Variants in PPCDC observed in about 807,000 individuals in gnomAD.
PPCDC encodes phosphopantothenoylcysteine decarboxylase.
Under a neutral mutation model 20.7 loss-of-function variants are expected in PPCDC, and 20 were observed. The observed-to-expected ratio is 0.97, with a 90% CI of 0.68 to 1.41. PPCDC has a LOEUF of 1.41. Ranked by LOEUF, PPCDC falls within the 40% of genes most tolerant of loss-of-function variation. The pLI, the probability that PPCDC is intolerant of heterozygous loss-of-function variation, is 0.00. For synonymous variants in PPCDC, 88 were observed against 100.3 expected, an observed-to-expected ratio of 0.88 and a Z score of 0.73; for missense variants, 246 against 263.8, an observed-to-expected ratio of 0.93 and a Z score of 0.47.
chr15:75,044,659 C>A (rs1183580312), intron 4 of PPCDC, 145 bp downstream of exon 4: 2 of 1,141,572 alleles, frequency 1.8e-6, no homozygotes, highest in Admixed American at 2.7e-5. Context: ...CCACATCGCC[C>A]CCAGTGCTCT....
intron 2 of PPCDC, 195 bp from the exon 3 acceptor site, chr15:75,043,246 A>G (rs2066176055): frequency 1.8e-6 from 1 of 542,460 alleles, no homozygotes; most frequent in Non-Finnish European, 3.3e-6. Context: ...GCCACACCTG[A>G]TAGGGCCTGA....
chr15:75,025,556 G>T (rs1276472582), intron 1 of PPCDC, among the ~76,000 whole-genome samples: 1 of 152,176 alleles, frequency 6.6e-6, no homozygotes, highest in African/African-American at 2.4e-5. Context: ...CTTTCTGGAG[G>T]ATAGAGAAGC....
At chr15:75,047,171 C>T (rs1047366495) in intron 4 of PPCDC, among the ~76,000 whole-genome samples, 2 of 152,228 alleles carry the variant, frequency 1.3e-5, no homozygotes, top group African/African-American at 4.8e-5. Context: ...GAAAGCCCAG[C>T]CCAGCCCTTG....
At chr15:75,036,868 G>A (rs1301361218) in intron 2 of PPCDC, among the ~76,000 whole-genome samples, 1 of 151,604 alleles carries the variant, frequency 6.6e-6, no homozygotes, top group Non-Finnish European at 1.5e-5. Flanking sequence ...AAGGAGTTTT[G>A]CCCTGTTGCC....
Position 75,028,559 on chromosome 15 carries a change from C to T in PPCDC, c.135+106C>T, listed in dbSNP as rs181590310. 6.3e-4 allele frequency: 918 copies of T among 1,467,482 alleles called. 3 individuals are homozygous for T. In the African/African-American group the frequency reaches 0.011, roughly 18 times the overall value. 90.9% of individuals were successfully genotyped at this position (1,467,482 alleles called of 1,614,324 possible). A position where few individuals can be genotyped will look rare whatever the true frequency, so the allele number is the denominator to read the frequency against. ...TACATGCAATTTTCTTTTTCTTTAT[C>T]ATGTTAATCATGCTTGTGGAGGTCC... On this transcript the variant is annotated intron_variant, in intron 2 of 5. Coordinates refer to ENST00000342932, the MANE Select transcript of PPCDC (RefSeq NM_021823.5).
In PPCDC at chr15:75,028,349, G is replaced by C. The variant is rs1445507836; in HGVS notation, c.31G>C (p.Ala11Pro). The C allele has an allele frequency of 1.2e-6, 2 of 1,614,184 alleles. No individual in the cohort carries two copies. The highest frequency in any genetic ancestry group is 4.5e-5 in the East Asian group (2 of 44,888). The change falls in exon 2 of 6, where the codon GCA becomes CCA. Residue 11 changes from alanine (A) to proline (P), a missense_variant. Physicochemically the swap from Ala to Pro is conservative, Grantham distance 27. Transcript: ENST00000342932. MEPKASCPAA[A>P]PLMERKFHVL... ...ACCAAAGGCCTCCTGTCCAGCTGCT[G>C]CACCCTTGATGGAGAGAAAATTCCA...
At chr15:75,043,392 G>T (rs2066178601) in intron 2 of PPCDC, 49 bp from the exon 3 acceptor site, 3 of 1,519,862 alleles carry the variant, frequency 2.0e-6, no homozygotes, top group African/African-American at 2.7e-5. Flanking sequence ...TGTGGCTCTG[G>T]TAACAGTTTC....
intron 1 of PPCDC, among the ~76,000 whole-genome samples, chr15:75,027,328 G>A (rs562357186): frequency 3.9e-5 from 6 of 152,220 alleles, no homozygotes; most frequent in Middle Eastern, 3.4e-3. Flanking sequence ...GGCCCAACCC[G>A]CCACGTGTAG....
intron 2 of PPCDC, among the ~76,000 whole-genome samples, chr15:75,033,331 C>T (rs2066046226): frequency 6.6e-6 from 1 of 152,150 alleles, no homozygotes; most frequent in Non-Finnish European, 1.5e-5. Flanking sequence ...TTTGCCGACC[C>T]CTGGTATGCA....
At chr15:75,042,013 C>T (rs1938853633) in intron 2 of PPCDC, among the ~76,000 whole-genome samples, 1 of 152,216 alleles carries the variant, frequency 6.6e-6, no homozygotes, top group African/African-American at 2.4e-5. Context: ...TCCAGCAGCG[C>T]CTAGCCTTCA....
intron 2 of PPCDC, among the ~76,000 whole-genome samples, chr15:75,036,181 C>T (rs112708112): frequency 2.0e-5 from 3 of 152,214 alleles, no homozygotes; most frequent in African/African-American, 4.8e-5. Flanking sequence ...TTGGCATTTG[C>T]TGGGAAAAGG....
At chr15:75,034,862 C>A (rs907393904) in intron 2 of PPCDC, among the ~76,000 whole-genome samples, 1 of 152,168 alleles carries the variant, frequency 6.6e-6, no homozygotes, top group Non-Finnish European at 1.5e-5. Context: ...GCTCTCCAGC[C>A]ACTCAGCTGC....
At chr15:75,028,202 G>A (rs925920471) in intron 1 of PPCDC, 45 bp from the exon 2 acceptor site, 2 of 1,354,200 alleles carry the variant, frequency 1.5e-6, no homozygotes, top group Admixed American at 2.6e-5. Flanking sequence ...CATACATTCT[G>A]GTCGACTGTA....
At chr15:75,049,023 C>A in intron 5 of PPCDC, 127 bp from the exon 6 acceptor site, 1 of 923,662 alleles carries the variant, frequency 1.1e-6, no homozygotes, top group Non-Finnish European at 1.7e-6. Context: ...GTGTCTGGCT[C>A]AGGCAAAGAC....
intron 2 of PPCDC, among the ~76,000 whole-genome samples, chr15:75,031,592 TACTC>T (rs1440581576): frequency 2.6e-5 from 4 of 151,980 alleles, no homozygotes; most frequent in African/African-American, 9.7e-5. Context: ...TAATCCCAGT[TACTC>T]AGGAGGCGGA....
chr15:75,027,677 CAG>C, intron 1 of PPCDC, among the ~76,000 whole-genome samples: 1 of 152,338 alleles, frequency 6.6e-6, no homozygotes, highest in East Asian at 1.9e-4. Flanking sequence ...TCTCCACTAA[CAG>C]GGTCCCTTTG....
intron 1 of PPCDC, among the ~76,000 whole-genome samples, chr15:75,025,365 G>A (rs941229934): frequency 6.6e-6 from 1 of 152,144 alleles, no homozygotes; most frequent in Admixed American, 6.5e-5. Context: ...GAGCTTGAAC[G>A]TATACCCTGT....
At chr15:75,044,263 CG>C in intron 3 of PPCDC, 122 bp from the exon 4 acceptor site, 1 of 1,388,226 alleles carries the variant, frequency 7.2e-7, no homozygotes, top group Non-Finnish European at 9.9e-7. Context: ...CAGGAGGGAA[CG>C]GAGGTTGGCC....
At chr15:75,036,827 A>G (rs1489754887) in intron 2 of PPCDC, among the ~76,000 whole-genome samples, 1 of 151,782 alleles carries the variant, frequency 6.6e-6, no homozygotes, top group Non-Finnish European at 1.5e-5. Flanking sequence ...TTATTGATGG[A>G]TGATTGATTG....
Sources: gnomAD v4.1 joint callset for allele counts (sites outside exome capture counted in the v4.1 genomes callset) on GRCh38, gnomAD v4.1.1 for gene constraint, MANE v1.5 for transcripts, NCBI Gene and HGNC (gene_info 2026-07-23, HGNC 2026-07-21) for gene names.